ACACA: variants seen among roughly 807,000 people sequenced by gnomAD.
ACACA encodes the protein acetyl-CoA carboxylase alpha.
A neutral mutation model predicts 296.1 loss-of-function variants in ACACA; 103 were observed. The ratio of observed to expected loss-of-function variants is 0.35; its 90% CI spans 0.30 to 0.41. The LOEUF (loss-of-function observed/expected upper bound fraction) is 0.41. Among genes scored for constraint, ACACA ranks in the 10% least tolerant of loss-of-function variants. The probability of loss-of-function intolerance (pLI) is 1.00; values close to 1 mark genes in which losing one functional copy is unlikely to be tolerated. For synonymous variants in ACACA, 953 were observed against 1,038.6 expected (o/e 0.92, Z 1.58); for missense variants, 1,554 against 2,989.7 (o/e 0.52, Z 11.20).
Position 37,113,369 on chromosome 17 carries a change from T to C in ACACA, c.6275-104A>G, listed in dbSNP as rs963915480. On this transcript the variant is annotated intron_variant, in intron 50 of 55. Coordinates refer to ENST00000616317, the MANE Select transcript of ACACA (RefSeq NM_198834.3). The surrounding 1 kb of genome is among the most constrained non-coding windows in gnomAD (Gnocchi z 4.0). Reference sequence around the variant, plus strand: ...CTGGCCACGAAGAGCCTCCTTATACTATGCCTCCTGTTTGGCCACCCTATA... The same window carrying C: ...CTGGCCACGAAGAGCCTCCTTATACCATGCCTCCTGTTTGGCCACCCTATA... 2 of 1,247,468 alleles carry C rather than the reference T, an allele frequency of 1.6e-6. No individual in the cohort carries two copies. The highest frequency in any genetic ancestry group is 2.0e-5 in the Admixed American group (1 of 50,978). 77.3% of individuals were successfully genotyped at this position (1,247,468 alleles called of 1,614,324 possible). A position where few individuals can be genotyped will look rare whatever the true frequency, so the allele number is the denominator to read the frequency against.
intron 2 of ACACA, among the ~76,000 whole-genome samples, chr17:37,331,069 C>T (rs1392883663): frequency 1.3e-5 from 2 of 151,804 alleles, no homozygotes; most frequent in East Asian, 3.9e-4. Context: ...TGCCACCATG[C>T]CCGGCTAATT....
chr17:37,141,771 C>T (rs2075591867), intron 45 of ACACA, among the ~76,000 whole-genome samples: 1 of 151,828 alleles, frequency 6.6e-6, no homozygotes, highest in South Asian at 2.1e-4. Flanking sequence ...GGCTCGCTGC[C>T]ACCTCTGCCT....
chr17:37,271,779 G>A (rs2082083410), intron 9 of ACACA, among the ~76,000 whole-genome samples: 2 of 151,962 alleles, frequency 1.3e-5, no homozygotes, highest in Admixed American at 6.6e-5. Flanking sequence ...AGACCAGCCT[G>A]GCCAACATGG....
chr17:37,276,127 T>C (rs756360686), intron 7 of ACACA, 78 bp from the exon 8 acceptor site: 74 of 1,040,530 alleles, frequency 7.1e-5, no homozygotes, highest in Non-Finnish European at 1.1e-4. Context: ...CCTTGTATTA[T>C]AGCTATTTAT....
At chr17:37,197,725 A>G (rs2078068918) in intron 35 of ACACA, among the ~76,000 whole-genome samples, 1 of 151,088 alleles carries the variant, frequency 6.6e-6, no homozygotes, top group Non-Finnish European at 1.5e-5. Context: ...ATTGTATAAT[A>G]GATTCTGGAT....
chr17:37,233,054 G>A (rs1305605591), intron 25 of ACACA, among the ~76,000 whole-genome samples: 2 of 152,178 alleles, frequency 1.3e-5, no homozygotes, highest in African/African-American at 4.8e-5. Context: ...AAAGAACAGC[G>A]TGGAAAGTCA....
chr17:37,384,977 T>C (rs1383760719), intron 1 of ACACA, among the ~76,000 whole-genome samples: 1 of 152,228 alleles, frequency 6.6e-6, no homozygotes, highest in African/African-American at 2.4e-5. Context: ...ACTGTCTGAA[T>C]TGGATTAGGT....
intron 1 of ACACA, among the ~76,000 whole-genome samples, chr17:37,385,166 A>G (rs1296668708): frequency 1.3e-5 from 2 of 152,032 alleles, no homozygotes; most frequent in Non-Finnish European, 2.9e-5. Flanking sequence ...ACAGTAGCCC[A>G]GAGATCCTTT....
In ACACA at chr17:37,270,826, C is replaced by T. The variant is rs764909318; in HGVS notation, c.1044G>A (p.Lys348=). 8.7e-6 allele frequency: 14 copies of T among 1,613,450 alleles called. No homozygotes were observed. In the Admixed American group the frequency reaches 2.0e-4, roughly 23 times the overall value. The part of the protein sequence containing the change: ...AEEVGYPVMI[K]ASEGGGGKGI... ...CCTTCCCTCCTCCTCCCTCTGAGGC[C>T]TTGATCATTACTGGATATCCAACTT... The change falls in exon 10 of 56, where the codon AAG becomes AAA. Residue 348 remains lysine (K), a synonymous_variant. Coordinates refer to ENST00000616317, the MANE Select transcript of ACACA (RefSeq NM_198834.3).
intron 1 of ACACA, chr17:37,386,069 C>G (rs765382130): frequency 3.7e-6 from 6 of 1,606,146 alleles, no homozygotes; most frequent in Admixed American, 1.7e-5. Flanking sequence ...ACTTTTCCCA[C>G]CACTGCCCCT....
chr17:37,357,198 T>C (rs1331594492), intron 1 of ACACA, among the ~76,000 whole-genome samples: 1 of 152,088 alleles, frequency 6.6e-6, no homozygotes, highest in African/African-American at 2.4e-5. Context: ...CACTGGTAAA[T>C]CAAAACAAAA....
chr17:37,178,542 T>C (rs1012596098), intron 41 of ACACA, among the ~76,000 whole-genome samples: 19 of 152,212 alleles, frequency 1.2e-4, no homozygotes, highest in African/African-American at 4.3e-4. Context: ...GGCACAATGG[T>C]GCACACCTAA....
rs1173826983 is a variant in ACACA, at chr17:37,253,022, G to A, written c.1841C>T (p.Ala614Val). 6.2e-7 allele frequency: 1 copy of A among 1,614,182 alleles called. No homozygotes were observed. Among genetic ancestry groups the A allele is most frequent in the East Asian group, 2.2e-5 (1 of 44,886 alleles). Reference protein sequence around the residue: ...REEAISNMVVALKELSIRGDF... With the variant: ...REEAISNMVVVLKELSIRGDF... The stretch of plus-strand genomic sequence containing the variant: ...ACCCCGAATAGACAGCTCCTTCAAA[G>A]CCACCACCATGTTTCTGGGAGAACA... The change falls in exon 15 of 56, where the codon GCT (alanine) becomes GTT (valine). Residue 614 changes from alanine (A) to valine (V), a missense_variant. Transcript: ENST00000616317.
chr17:37,290,287 G>A (rs2082984704), intron 3 of ACACA, among the ~76,000 whole-genome samples: 1 of 152,160 alleles, frequency 6.6e-6, no homozygotes, highest in Non-Finnish European at 1.5e-5. Flanking sequence ...GGTCTCAAGT[G>A]ATCTGCCTGC....
intron 25 of ACACA, among the ~76,000 whole-genome samples, chr17:37,227,644 G>A (rs990421185): frequency 3.9e-5 from 6 of 152,066 alleles, no homozygotes; most frequent in African/African-American, 7.2e-5. Context: ...CGAGGCGTGC[G>A]GATCACGAGG....
chr17:37,195,250 G>A (rs944742844), intron 35 of ACACA, among the ~76,000 whole-genome samples: 27 of 152,232 alleles, frequency 1.8e-4, no homozygotes, highest in Admixed American at 5.2e-4. Flanking sequence ...TGTTTAGGAT[G>A]CCATTTATTT....
chr17:37,194,151 T>C (rs758540014), intron 35 of ACACA, among the ~76,000 whole-genome samples: 1 of 152,158 alleles, frequency 6.6e-6, no homozygotes, highest in Non-Finnish European at 1.5e-5. Context: ...ATACCCCTGT[T>C]TCTCGGATGG....
intron 45 of ACACA, among the ~76,000 whole-genome samples, chr17:37,148,189 C>A (rs2075892831): frequency 6.6e-6 from 1 of 150,474 alleles, no homozygotes; most frequent in Non-Finnish European, 1.5e-5. Context: ...CTTTGGCATT[C>A]ATCAATATCT....
At chr17:37,392,930 G>T (rs949618993) in intron 1 of ACACA, among the ~76,000 whole-genome samples, 9 of 151,996 alleles carry the variant, frequency 5.9e-5, no homozygotes, top group Non-Finnish European at 1.2e-4. Flanking sequence ...ATCACCTGAG[G>T]TAAGGAGTTT....
Sources: allele counts gnomAD v4.1 joint callset (sites outside exome capture counted in the v4.1 genomes callset), GRCh38; gene constraint gnomAD v4.1.1; non-coding constraint Gnocchi (gnomAD v3.1); transcripts MANE v1.5; gene names NCBI Gene and HGNC (gene_info 2026-07-23, HGNC 2026-07-21).